ALDH1L2: variants seen among roughly 807,000 people sequenced by gnomAD.
The protein encoded by ALDH1L2 is aldehyde dehydrogenase 1 family member L2, also known as mitochondrial 10-formyltetrahydrofolate dehydrogenase.
In ALDH1L2, 91 loss-of-function variants were observed where a neutral mutation model predicts 111.0. The observed-to-expected ratio is 0.82, with a 90% CI of 0.69 to 0.98. The LOEUF is 0.98. Among genes scored for constraint, ALDH1L2 ranks in the 50% least tolerant of loss-of-function variants. The pLI is 0.00. For missense variants in ALDH1L2, 995 were observed against 1,126.8 expected, an observed-to-expected ratio of 0.88 and a Z score of 1.67; for synonymous variants, 374 against 392.6, an observed-to-expected ratio of 0.95 and a Z score of 0.56.
At chr12:105,066,524 G>A in intron 5 of ALDH1L2, 44 bp downstream of exon 5, 1 of 1,549,484 alleles carries the variant, frequency 6.5e-7, no homozygotes, top group African/African-American at 1.4e-5. Flanking sequence ...AAGGGTAGAG[G>A]GCCATGAACT....
chr12:105,081,985 G>A (rs138592778), intron 1 of ALDH1L2, among the ~76,000 whole-genome samples: 308 of 152,324 alleles, frequency 2.0e-3, no homozygotes, highest in African/African-American at 7.1e-3. Flanking sequence ...CTTGAGGCCA[G>A]GAGTTCAAGA....
Position 105,019,838 on chromosome 12 carries a change from T to C in ALDH1L2, c.*4586A>G, listed in dbSNP as rs1255419227. The C allele has an allele frequency of 6.6e-6, 1 of 152,182 alleles. No individual in the cohort carries two copies. The highest frequency in any genetic ancestry group is 1.9e-4 in the East Asian group (1 of 5,204). The allele number at this position is 152,182 out of a possible 1,614,324, so 9.4% of individuals were successfully genotyped here. On this transcript the variant is annotated 3_prime_UTR_variant, in exon 23 of 23. Coordinates refer to ENST00000258494, the MANE Select transcript of ALDH1L2 (RefSeq NM_001034173.4). ...ATAGATGCTTATGATATATTGTTAA[T>C]TGAAAAAGCAGGTAACAAATTAATA...
chr12:105,079,502 C>T (rs975565112), intron 1 of ALDH1L2, among the ~76,000 whole-genome samples: 1 of 152,022 alleles, frequency 6.6e-6, no homozygotes, highest in Non-Finnish European at 1.5e-5. Flanking sequence ...AGGGGGATGC[C>T]CAGGACTCAG....
intron 16 of ALDH1L2, among the ~76,000 whole-genome samples, chr12:105,040,149 A>AG (rs750151026): frequency 4.0e-4 from 59 of 145,776 alleles, no homozygotes; most frequent in Middle Eastern, 3.6e-3. Context: ...AAAAAAAAAA[A>AG]AAACCTTACT....
chr12:105,038,644 G>A (rs905636067), intron 17 of ALDH1L2, among the ~76,000 whole-genome samples: 1 of 152,092 alleles, frequency 6.6e-6, no homozygotes, highest in African/African-American at 2.4e-5. Flanking sequence ...CAGCCTGGGT[G>A]ACAGTGTTAG....
At position 105,039,784 on chromosome 12, in the gene ALDH1L2, C is replaced by G; in HGVS notation, c.1974G>C (p.Leu658=). The G allele has an allele frequency of 6.2e-7, 1 of 1,614,036 alleles. No individual in the cohort carries two copies. The highest frequency in any genetic ancestry group is 8.5e-7 in the Non-Finnish European group (1 of 1,179,980). The change falls in exon 17 of 23, where the codon CTG becomes CTC. Residue 658 remains leucine (L), a synonymous_variant. Coordinates refer to ENST00000258494, the MANE Select transcript of ALDH1L2 (RefSeq NM_001034173.4). ...GTTTGCGGATGTCAGGATGTTCAGACAGACGTTGTCCTGCTATGCCACCTG... is the reference window on the plus strand; with the variant it reads ...GTTTGCGGATGTCAGGATGTTCAGAGAGACGTTGTCCTGCTATGCCACCTG... The part of the protein sequence containing the change: ...PGSGGIAGQR[L]SEHPDIRKLG...
chr12:105,064,631 G>A (rs1289214072), intron 6 of ALDH1L2, among the ~76,000 whole-genome samples: 1 of 152,196 alleles, frequency 6.6e-6, no homozygotes, highest in Admixed American at 6.5e-5. Flanking sequence ...TATGATGTGC[G>A]ATGCCAGAGG....
At chr12:105,024,636 A>T (rs1874326768) in intron 22 of ALDH1L2, among the ~76,000 whole-genome samples, 157 bp from the exon 23 acceptor site, 1 of 152,232 alleles carries the variant, frequency 6.6e-6, no homozygotes, top group Non-Finnish European at 1.5e-5. Flanking sequence ...CATACTAACC[A>T]TCTGAAGACT....
At chr12:105,039,584 A>T (rs1356101154) in intron 17 of ALDH1L2, 129 bp downstream of exon 17, 1 of 673,338 alleles carries the variant, frequency 1.5e-6, no homozygotes, top group East Asian at 2.6e-5. Context: ...TTCAATACTC[A>T]GCAGTGATAA....
In ALDH1L2 at chr12:105,020,404, G is replaced by C. The variant is rs1252077261; in HGVS notation, c.*4020C>G. The C allele has an allele frequency of 6.6e-6, 1 of 152,174 alleles. No homozygotes were observed. The highest frequency in any genetic ancestry group is 1.5e-5 in the Non-Finnish European group (1 of 68,050). The allele number at this position is 152,174 out of a possible 1,614,324, so 9.4% of individuals were successfully genotyped here. ...CTTAGTTAAAACCACCAGATGCATT[G>C]CTTGAAAACCTGTTCTGCCACTTAA... On this transcript the variant is annotated 3_prime_UTR_variant, in exon 23 of 23. Coordinates refer to ENST00000258494, the MANE Select transcript of ALDH1L2 (RefSeq NM_001034173.4).
At chr12:105,067,431 T>A (rs1485456189) in intron 4 of ALDH1L2, among the ~76,000 whole-genome samples, 1 of 152,050 alleles carries the variant, frequency 6.6e-6, no homozygotes. Context: ...AATGATAAAA[T>A]AAGTCTTTAT....
intron 12 of ALDH1L2, among the ~76,000 whole-genome samples, chr12:105,051,803 G>A (rs1380259986): frequency 1.5e-5 from 1 of 68,828 alleles, no homozygotes; most frequent in African/African-American, 4.8e-5. Flanking sequence ...TTTTTTTTTT[G>A]AGACAGAGTC....
chr12:105,056,512 T>G (rs1876638622), intron 10 of ALDH1L2, among the ~76,000 whole-genome samples: 1 of 151,900 alleles, frequency 6.6e-6, no homozygotes, highest in Non-Finnish European at 1.5e-5. Context: ...ATATAAACAT[T>G]GGTATAAATA....
At chr12:105,044,888 T>A (rs895973890) in intron 15 of ALDH1L2, among the ~76,000 whole-genome samples, 1 of 147,762 alleles carries the variant, frequency 6.8e-6, no homozygotes, top group Non-Finnish European at 1.5e-5. Context: ...AAAGTTAGAA[T>A]TTTTTTTTTT....
chr12:105,057,751 A>G (rs1876721560), intron 10 of ALDH1L2, among the ~76,000 whole-genome samples: 1 of 152,248 alleles, frequency 6.6e-6, no homozygotes, highest in South Asian at 2.1e-4. Context: ...CTATCATGCT[A>G]TCCAATTTTG....
At chr12:105,032,911 C>T (rs7308568) in intron 19 of ALDH1L2, among the ~76,000 whole-genome samples, 34,471 of 151,996 alleles carry the variant, frequency 0.23, 5,405 homozygotes, top group East Asian at 0.5. Context: ...GCCAGATGAC[C>T]CACTAGAATG....
chr12:105,037,182 T>A (rs750411143), intron 18 of ALDH1L2, among the ~76,000 whole-genome samples: 2 of 152,146 alleles, frequency 1.3e-5, no homozygotes, highest in Non-Finnish European at 2.9e-5. Context: ...TGCCTATATC[T>A]CAGATGTGAA....
chr12:105,070,766 G>T lies in ALDH1L2; in HGVS notation c.232C>A (p.Leu78Ile). Residue 78 changes from leucine to isoleucine, a missense_variant, in exon 3 of 23, where the codon CTT becomes ATT. Coordinates refer to ENST00000258494, the MANE Select transcript of ALDH1L2 (RefSeq NM_001034173.4). ...AEKDGTPVFK[L>I]PKWRVKGKTI... The stretch of plus-strand genomic sequence containing the variant: ...TTGCCCTTGACCCTCCATTTAGGAA[G>T]CTTGAACACAGGGGTCCCATCTTTC... The T allele has an allele frequency of 6.2e-7, 1 of 1,614,146 alleles. No homozygotes were observed. The highest frequency in any genetic ancestry group is 8.5e-7 in the Non-Finnish European group (1 of 1,180,016).
chr12:105,067,215 C>CAAAAAAAAAA (rs11334156), intron 4 of ALDH1L2, among the ~76,000 whole-genome samples: 27 of 97,140 alleles, frequency 2.8e-4, no homozygotes, highest in East Asian at 9.2e-4. Context: ...GACTCTGTCT[C>CAAAAAAAAAA]AAAAAAAAAA....
Sources: gnomAD v4.1 joint callset for allele counts (sites outside exome capture counted in the v4.1 genomes callset) on GRCh38, gnomAD v4.1.1 for gene constraint, MANE v1.5 for transcripts, NCBI Gene and HGNC (gene_info 2026-07-23, HGNC 2026-07-21) for gene names.